Variants in MYOCD observed in about 807,000 individuals in gnomAD.
MYOCD encodes the protein myocardin.
MYOCD carries 32 observed loss-of-function variants against 96.1 expected under a neutral mutation model. That is an observed-to-expected ratio of 0.33 (90% CI 0.25 to 0.45). MYOCD has a LOEUF of 0.45. MYOCD is among the 20% of genes least tolerant of loss of function. The pLI is 1.00. For synonymous variants in MYOCD, 469 were observed against 469.0 expected (o/e 1.00, Z 0.00); for missense variants, 1,133 against 1,200.6 (o/e 0.94, Z 0.83).
rs781150543 is a variant in MYOCD at position 12,758,172 on chromosome 17, G to C, written c.2290G>C (p.Glu764Gln). Reference sequence around the variant, plus strand: ...TTCTAAGTCAAGTTCAGCAATTTCAGAGGTAACACAGCCTCCATCCTATGA... The same window carrying C: ...TTCTAAGTCAAGTTCAGCAATTTCACAGGTAACACAGCCTCCATCCTATGA... The part of the protein sequence containing the change: ...TFSKSSSAIS[E>Q]VTQPPSYEDA... The change falls in exon 12 of 14, where the codon GAG becomes CAG. Residue 764 changes from glutamate to glutamine, a missense_variant. Physicochemically the swap from Glu to Gln is conservative, Grantham distance 29. Coordinates refer to ENST00000425538, the MANE Select transcript of MYOCD (RefSeq NM_001146312.3). The C allele has an allele frequency of 4.3e-6, 7 of 1,614,014 alleles. No individual in the cohort carries two copies. The highest frequency in any genetic ancestry group is 5.9e-6 in the Non-Finnish European group (7 of 1,180,022).
intron 1 of MYOCD, among the ~76,000 whole-genome samples, chr17:12,666,656 T>C (rs188622310): frequency 6.6e-5 from 10 of 152,302 alleles, no homozygotes; most frequent in African/African-American, 2.4e-4. Flanking sequence ...ACTTAAAATG[T>C]AGCTAATCCA....
intron 9 of MYOCD, among the ~76,000 whole-genome samples, chr17:12,749,579 C>T (rs2032769899): frequency 6.9e-6 from 1 of 145,684 alleles, no homozygotes; most frequent in Non-Finnish European, 1.5e-5. Flanking sequence ...TGTATATATA[C>T]AAAACCTATA....
intron 1 of MYOCD, among the ~76,000 whole-genome samples, chr17:12,702,218 G>A (rs2031103705): frequency 6.6e-6 from 1 of 151,730 alleles, no homozygotes; most frequent in African/African-American, 2.4e-5. Flanking sequence ...TGTATTTTGA[G>A]GTTCTGTTCT....
intron 1 of MYOCD, among the ~76,000 whole-genome samples, chr17:12,672,671 C>G (rs1344533448): frequency 6.6e-6 from 1 of 152,120 alleles, no homozygotes; most frequent in Non-Finnish European, 1.5e-5. Context: ...TTTCTTTTCA[C>G]TATTGGGGTA....
intron 1 of MYOCD, among the ~76,000 whole-genome samples, chr17:12,695,845 A>G (rs769213794): frequency 6.6e-4 from 91 of 138,450 alleles, no homozygotes; most frequent in Non-Finnish European, 9.7e-4. Context: ...ATAACCCCCC[A>G]TTCTCTCTTC....
At chr17:12,735,505 A>C (rs1251972715) in intron 5 of MYOCD, among the ~76,000 whole-genome samples, 1 of 152,140 alleles carries the variant, frequency 6.6e-6, no homozygotes, top group Non-Finnish European at 1.5e-5. Context: ...GAATACAAAG[A>C]AATGCCAAAT....
chr17:12,747,867 T>A (rs1304840404), intron 9 of MYOCD, among the ~76,000 whole-genome samples: 16 of 145,542 alleles, frequency 1.1e-4, no homozygotes, highest in Non-Finnish European at 2.1e-4. Flanking sequence ...GGATCCTATT[T>A]AAAAAAAAAA....
chr17:12,755,199 C>G (rs1032440560), intron 10 of MYOCD, among the ~76,000 whole-genome samples: 1 of 152,168 alleles, frequency 6.6e-6, no homozygotes, highest in African/African-American at 2.4e-5. Flanking sequence ...GTAAAAATAG[C>G]TCTTGAGACA....
rs529798633 is a variant in MYOCD at position 12,666,194 on chromosome 17, A to C, written c.6A>C (p.Thr2=). The C allele has an allele frequency of 1.2e-6, 2 of 1,613,460 alleles. No individual in the cohort carries two copies. The highest frequency in any genetic ancestry group is 4.5e-5 in the East Asian group (2 of 44,856). ...GCGGCTTGCTGAGACTCAACATGAC[A>C]CTCCTGGGGTCTGAGCATTCCTTGC... M[T]LLGSEHSLLI... The change falls in exon 1 of 14, where the codon ACA becomes ACC. Residue 2 remains threonine, a synonymous_variant. Coordinates refer to ENST00000425538, the MANE Select transcript of MYOCD (RefSeq NM_001146312.3).
intron 5 of MYOCD, among the ~76,000 whole-genome samples, chr17:12,723,891 A>T (rs1188651796): frequency 6.6e-6 from 1 of 152,230 alleles, no homozygotes; most frequent in African/African-American, 2.4e-5. Flanking sequence ...GTTTATTATA[A>T]AACTTGTCAT....
chr17:12,676,043 G>A (rs1341539808), intron 1 of MYOCD, among the ~76,000 whole-genome samples: 10 of 151,528 alleles, frequency 6.6e-5, no homozygotes, highest in African/African-American at 1.9e-4. Context: ...TTTTAAATAC[G>A]CCTAAAACAT....
intron 1 of MYOCD, chr17:12,704,862 A>T: frequency 2.5e-6 from 1 of 396,600 alleles, no homozygotes; most frequent in South Asian, 3.1e-5. Flanking sequence ...GAGAGAGAGC[A>T]TGGCACTGCG....
At chr17:12,757,706 C>A (rs1332107366) in intron 11 of MYOCD, among the ~76,000 whole-genome samples, 1 of 152,060 alleles carries the variant, frequency 6.6e-6, no homozygotes, top group Non-Finnish European at 1.5e-5. Context: ...GTTGGCCAGG[C>A]TGCTCTCGAA....
intron 5 of MYOCD, among the ~76,000 whole-genome samples, chr17:12,727,834 C>T (rs1008536443): frequency 4.6e-5 from 7 of 152,128 alleles, no homozygotes; most frequent in Non-Finnish European, 7.4e-5. Flanking sequence ...ATGAAAGCAC[C>T]GCGTCTCTTC....
intron 8 of MYOCD, among the ~76,000 whole-genome samples, 173 bp downstream of exon 8, chr17:12,744,609 G>A (rs1417070061): frequency 2.0e-5 from 3 of 152,130 alleles, no homozygotes; most frequent in Admixed American, 6.6e-5. Flanking sequence ...TTTCAGAGCC[G>A]TAAGACTGGG....
At chr17:12,674,220 T>C (rs936229247) in intron 1 of MYOCD, among the ~76,000 whole-genome samples, 28 of 152,176 alleles carry the variant, frequency 1.8e-4, no homozygotes, top group African/African-American at 6.5e-4. Flanking sequence ...TTATCTCTAT[T>C]ATAACCTGCA....
Position 12,752,727 on chromosome 17 carries a change from C to A in MYOCD, c.1439C>A (p.Pro480His), listed in dbSNP as rs376323244. The A allele has an allele frequency of 9.9e-6, 16 of 1,614,172 alleles. No homozygotes were observed. The highest frequency in any genetic ancestry group is 1.3e-5 in the Non-Finnish European group (15 of 1,180,042). The part of the protein sequence containing the change: ...SLPDTFNDAS[P>H]SFGLHPSPVH... ...CCGGACACCTTCAATGATGCCTCCCCCTCCTTCGGCCTGCACCCGTCCCCA... is the reference window on the plus strand; with the variant it reads ...CCGGACACCTTCAATGATGCCTCCCACTCCTTCGGCCTGCACCCGTCCCCA... Residue 480 changes from proline (P) to histidine (H), a missense_variant, in exon 10 of 14, where the codon CCC (proline) becomes CAC (histidine). Transcript: ENST00000425538.
intron 1 of MYOCD, among the ~76,000 whole-genome samples, chr17:12,688,520 T>G (rs2030254861): frequency 6.8e-6 from 1 of 146,290 alleles, no homozygotes; most frequent in Non-Finnish European, 1.5e-5. Context: ...ATCTCCTCCC[T>G]TCCATCTTCT....
chr17:12,734,970 G>A (rs1022571969), intron 5 of MYOCD, among the ~76,000 whole-genome samples: 2 of 152,236 alleles, frequency 1.3e-5, no homozygotes, highest in African/African-American at 4.8e-5. Context: ...TGTGACTGGA[G>A]TTTCCCCCTG....
Sources: allele counts gnomAD v4.1 joint callset (sites outside exome capture counted in the v4.1 genomes callset), GRCh38; gene constraint gnomAD v4.1.1; transcripts MANE v1.5; gene names NCBI Gene and HGNC (gene_info 2026-07-23, HGNC 2026-07-21).